The following NELL1 variants were observed in gnomAD, a reference collection of about 807,000 sequenced individuals.
The protein encoded by NELL1 is neural EGFL like 1, also known as protein kinase C-binding protein NELL1.
Under a neutral mutation model 107.4 loss-of-function variants are expected in NELL1, and 76 were observed. That is an observed-to-expected ratio of 0.71 (90% CI 0.59 to 0.86). The LOEUF (loss-of-function observed/expected upper bound fraction) is 0.86. NELL1 is among the 40% of genes least tolerant of loss of function. The pLI is 0.00. For synonymous variants in NELL1, 353 were observed against 341.2 expected, an observed-to-expected ratio of 1.03 and a Z score of -0.38; for missense variants, 1,024 against 1,005.5, an observed-to-expected ratio of 1.02 and a Z score of -0.25.
At chr11:21,362,732 G>C (rs1215699189) in intron 14 of NELL1, among the ~76,000 whole-genome samples, 1 of 152,142 alleles carries the variant, frequency 6.6e-6, no homozygotes, top group Non-Finnish European at 1.5e-5. Context: ...CAAAGGGATG[G>C]GCCATAAAAC....
At chr11:21,319,494 T>TTATATATA (rs143740709) in intron 14 of NELL1, among the ~76,000 whole-genome samples, 3,262 of 135,510 alleles carry the variant, frequency 0.024, 73 homozygotes, top group Middle Eastern at 0.064. Flanking sequence ...CCAGCTAAAT[T>TTATATATA]TATATATATA....
At chr11:21,052,247 A>G (rs1055649415) in intron 12 of NELL1, among the ~76,000 whole-genome samples, 1 of 152,200 alleles carries the variant, frequency 6.6e-6, no homozygotes, top group Non-Finnish European at 1.5e-5. Flanking sequence ...AGGATCTCCA[A>G]GGTCTTGTAC....
chr11:20,986,358 C>T (rs1565000801), intron 12 of NELL1, among the ~76,000 whole-genome samples: 1 of 152,198 alleles, frequency 6.6e-6, no homozygotes, highest in African/African-American at 2.4e-5. Context: ...GAGTGAAAGG[C>T]GTTGTTAAGA....
chr11:20,877,432 T>C (rs1849325211), intron 4 of NELL1, among the ~76,000 whole-genome samples: 1 of 152,242 alleles, frequency 6.6e-6, no homozygotes, highest in Non-Finnish European at 1.5e-5. Flanking sequence ...AAAACCTTCC[T>C]TTATCCAGGT....
chr11:21,553,356 C>G (rs1252319343), intron 16 of NELL1, among the ~76,000 whole-genome samples: 1 of 151,808 alleles, frequency 6.6e-6, no homozygotes, highest in Non-Finnish European at 1.5e-5. Flanking sequence ...CTTGTAAATA[C>G]TCATTAAGGG....
At chr11:21,148,996 A>G (rs1195548230) in intron 13 of NELL1, among the ~76,000 whole-genome samples, 1 of 152,166 alleles carries the variant, frequency 6.6e-6, no homozygotes, top group Non-Finnish European at 1.5e-5. Context: ...TCTTTCTAAC[A>G]TCACTCACAG....
At chr11:21,472,255 T>G (rs1854201310) in intron 15 of NELL1, among the ~76,000 whole-genome samples, 1 of 152,064 alleles carries the variant, frequency 6.6e-6, no homozygotes, top group Non-Finnish European at 1.5e-5. Context: ...AAATTCATTC[T>G]TCTTTTCTAA....
chr11:20,961,326 C>T (rs1452400064), intron 12 of NELL1, among the ~76,000 whole-genome samples: 1 of 152,130 alleles, frequency 6.6e-6, no homozygotes, highest in Non-Finnish European at 1.5e-5. Context: ...ATATCTGAGC[C>T]CATCCATTTC....
At chr11:21,263,256 C>G (rs974253066) in intron 14 of NELL1, among the ~76,000 whole-genome samples, 1 of 151,882 alleles carries the variant, frequency 6.6e-6, no homozygotes, top group Non-Finnish European at 1.5e-5. Context: ...AAATGTTTAA[C>G]CCGGCTTTCC....
At chr11:21,297,645 T>C (rs1277575017) in intron 14 of NELL1, among the ~76,000 whole-genome samples, 2 of 152,086 alleles carry the variant, frequency 1.3e-5, no homozygotes, top group Admixed American at 1.3e-4. Flanking sequence ...GAATACTTGC[T>C]TTGAGCCATA....
chr11:21,007,419 A>T (rs1247843881), intron 12 of NELL1, among the ~76,000 whole-genome samples: 3 of 152,152 alleles, frequency 2.0e-5, no homozygotes, highest in South Asian at 2.1e-4. Context: ...ACACAGACAG[A>T]CACGCACATC....
intron 15 of NELL1, among the ~76,000 whole-genome samples, chr11:21,461,404 G>A (rs916037155): frequency 7.2e-5 from 11 of 152,020 alleles, no homozygotes; most frequent in African/African-American, 2.7e-4. Flanking sequence ...CTTTAACCTA[G>A]CATTTCCTAA....
chr11:21,259,564 C>T (rs1212385447), intron 14 of NELL1, among the ~76,000 whole-genome samples: 3 of 151,842 alleles, frequency 2.0e-5, no homozygotes, highest in Non-Finnish European at 4.4e-5. Context: ...CTGCAATAGA[C>T]AGACTGGGGT....
intron 14 of NELL1, among the ~76,000 whole-genome samples, chr11:21,337,926 T>C (rs1194729952): frequency 6.6e-6 from 1 of 151,388 alleles, no homozygotes; most frequent in Non-Finnish European, 1.5e-5. Context: ...TCTTTTGCAT[T>C]TAGCCACTAT....
At chr11:21,071,924 A>G (rs947699355) in intron 12 of NELL1, among the ~76,000 whole-genome samples, 1 of 152,120 alleles carries the variant, frequency 6.6e-6, no homozygotes, top group Non-Finnish European at 1.5e-5. Context: ...TTGATCTCTG[A>G]TGACTCACTT....
chr11:21,445,843 T>C (rs1216526881), intron 15 of NELL1, among the ~76,000 whole-genome samples: 4 of 152,318 alleles, frequency 2.6e-5, no homozygotes, highest in Non-Finnish European at 5.9e-5. Context: ...AAGTGTCTTG[T>C]TGTTTTCTTC....
chr11:20,940,326 C>T (rs1276706171), intron 10 of NELL1, among the ~76,000 whole-genome samples: 1 of 151,852 alleles, frequency 6.6e-6, no homozygotes, highest in Non-Finnish European at 1.5e-5. Context: ...GTAGCACAAT[C>T]TCGGCTCACT....
intron 15 of NELL1, among the ~76,000 whole-genome samples, chr11:21,423,896 A>G (rs1852756963): frequency 6.6e-6 from 1 of 152,252 alleles, no homozygotes; most frequent in South Asian, 2.1e-4. Flanking sequence ...GGAAGAAATC[A>G]CAAGGGAGAT....
At chr11:21,287,062 A>G (rs1274041418) in intron 14 of NELL1, among the ~76,000 whole-genome samples, 4 of 152,252 alleles carry the variant, frequency 2.6e-5, no homozygotes, top group Non-Finnish European at 2.9e-5. Flanking sequence ...ATTACACAGA[A>G]TATACCATTC....
Sources: gnomAD v4.1 joint callset for allele counts (sites outside exome capture counted in the v4.1 genomes callset) on GRCh38, gnomAD v4.1.1 for gene constraint, MANE v1.5 for transcripts, NCBI Gene and HGNC (gene_info 2026-07-23, HGNC 2026-07-21) for gene names.